RAB27B: variants seen among roughly 807,000 people sequenced by gnomAD.
RAB27B encodes ras-related protein Rab-27B.
A neutral mutation model predicts 24.6 loss-of-function variants in RAB27B; 15 were observed. The observed-to-expected ratio is 0.61, with a 90% CI of 0.41 to 0.94. The LOEUF is 0.94. Among genes scored for constraint, RAB27B ranks in the 40% least tolerant of loss-of-function variants. The pLI is 0.00. For synonymous variants in RAB27B, 105 were observed against 92.5 expected (o/e 1.14, Z -0.78); for missense variants, 261 against 266.8 (o/e 0.98, Z 0.15).
intron 1 of RAB27B, among the ~76,000 whole-genome samples, chr18:54,874,307 T>C (rs547672753): frequency 5.3e-5 from 8 of 152,320 alleles, no homozygotes; most frequent in African/African-American, 1.9e-4. Context: ...GACACTGTTT[T>C]GTTTGAATTG....
chr18:54,870,809 A>G (rs1912433117), intron 1 of RAB27B, among the ~76,000 whole-genome samples: 1 of 152,178 alleles, frequency 6.6e-6, no homozygotes, highest in Admixed American at 6.5e-5. Flanking sequence ...TATGTATTGA[A>G]TTATTTATGA....
At chr18:54,844,854 G>A (rs571033199) in intron 1 of RAB27B, among the ~76,000 whole-genome samples, 7 of 152,182 alleles carry the variant, frequency 4.6e-5, no homozygotes, top group African/African-American at 1.7e-4. Context: ...ACCAGTTTTC[G>A]CTGGTTGGGT....
At position 54,890,443 on chromosome 18, in the gene RAB27B, A is replaced by G. The variant is rs1279575732; in HGVS notation, c.*1030A>G. The G allele has an allele frequency of 1.3e-5, 2 of 152,180 alleles. No individual in the cohort carries two copies. The highest frequency in any genetic ancestry group is 2.9e-5 in the Non-Finnish European group (2 of 68,022). The allele number at this position is 152,180 out of a possible 1,614,324, so 9.4% of individuals were successfully genotyped here. A position where few individuals can be genotyped will look rare whatever the true frequency, so the allele number is the denominator to read the frequency against. The stretch of plus-strand genomic sequence containing the variant: ...TTTTTAGATAAAATAAGATGGTGAT[A>G]TGAAACAAAAAGTGGCAATTATTGC... On this transcript the variant is annotated 3_prime_UTR_variant, in exon 6 of 6. Coordinates refer to ENST00000262094, the MANE Select transcript of RAB27B (RefSeq NM_004163.4).
intron 1 of RAB27B, among the ~76,000 whole-genome samples, chr18:54,844,416 T>C (rs1323688259): frequency 4.8e-5 from 7 of 146,884 alleles, no homozygotes; most frequent in Non-Finnish European, 9.0e-5. Flanking sequence ...TTCTTTTTTT[T>C]TTTTTTTTTT....
At chr18:54,800,627 A>C (rs1162427886) in intron 2 of RAB27B, among the ~76,000 whole-genome samples, 1 of 152,192 alleles carries the variant, frequency 6.6e-6, no homozygotes, top group Non-Finnish European at 1.5e-5. Flanking sequence ...CTTTAATTGG[A>C]GTATTCCTTG....
At chr18:54,862,817 C>G (rs1912059366) in intron 1 of RAB27B, among the ~76,000 whole-genome samples, 1 of 152,224 alleles carries the variant, frequency 6.6e-6, no homozygotes, top group African/African-American at 2.4e-5. Context: ...TTTTCAATTA[C>G]TCAGTCCTGA....
intron 2 of RAB27B, among the ~76,000 whole-genome samples, chr18:54,762,559 G>A (rs910480448): frequency 1.3e-5 from 2 of 152,136 alleles, no homozygotes; most frequent in Non-Finnish European, 2.9e-5. Flanking sequence ...GCAATCCAAA[G>A]CACAATCCTG....
At chr18:54,733,983 A>T (rs1338091401) in intron 2 of RAB27B, among the ~76,000 whole-genome samples, 2 of 152,204 alleles carry the variant, frequency 1.3e-5, no homozygotes, top group Non-Finnish European at 2.9e-5. Context: ...ACACTTAGGT[A>T]TCATTTAGAA....
intron 2 of RAB27B, among the ~76,000 whole-genome samples, chr18:54,732,882 C>T (rs1298972352): frequency 6.6e-6 from 1 of 152,132 alleles, no homozygotes; most frequent in Non-Finnish European, 1.5e-5. Flanking sequence ...TTGATACAAA[C>T]TAAATCCCTT....
chr18:54,830,277 T>C (rs1910623774), intron 1 of RAB27B, among the ~76,000 whole-genome samples: 1 of 152,234 alleles, frequency 6.6e-6, no homozygotes, highest in Non-Finnish European at 1.5e-5. Flanking sequence ...TCACTGTTTT[T>C]CTGGAAAAAT....
intron 2 of RAB27B, among the ~76,000 whole-genome samples, chr18:54,776,446 C>G (rs552752882): frequency 1.6e-4 from 25 of 152,224 alleles, no homozygotes; most frequent in African/African-American, 5.8e-4. Flanking sequence ...CCTGAAACCT[C>G]CATCTCTTGT....
At chr18:54,849,448 T>C (rs531074727) in intron 1 of RAB27B, among the ~76,000 whole-genome samples, 2 of 152,240 alleles carry the variant, frequency 1.3e-5, no homozygotes, top group Admixed American at 6.5e-5. Context: ...CCAGGAGCGG[T>C]GGCTCATGCC....
chr18:54,850,243 A>ATATATG (rs1911506948), intron 1 of RAB27B, among the ~76,000 whole-genome samples: 1 of 150,278 alleles, frequency 6.7e-6, no homozygotes, highest in Non-Finnish European at 1.5e-5. Context: ...TTATATTTGC[A>ATATATG]TATATGTAAT....
At chr18:54,827,605 T>G (rs1284788827), upstream of RAB27B, among the ~76,000 whole-genome samples, 1 of 152,214 alleles carries the variant, frequency 6.6e-6, no homozygotes, top group African/African-American at 2.4e-5. Flanking sequence ...CTCTAGGGCA[T>G]CGAATAAGAA....
intron 1 of RAB27B, among the ~76,000 whole-genome samples, chr18:54,841,311 G>C (rs1415841115): frequency 6.6e-6 from 1 of 152,048 alleles, no homozygotes; most frequent in Non-Finnish European, 1.5e-5. Context: ...CAGACTTTTT[G>C]CTTCTCATTA....
In RAB27B at chr18:54,753,459, G is replaced by A. The variant is rs1907900314; in HGVS notation, c.-20+35318G>A. On this transcript the variant is annotated intron_variant, in intron 2 of 4. Transcript: ENST00000586570. ...TCATCTGTACATAAGTTTGCTGTGA[G>A]GGTAAAATCAGATAATACATCTAAT... is the stretch of plus-strand genomic sequence containing the variant. Among the ~76,000 whole-genome samples, 4 of 152,146 alleles carry A rather than the reference G, an allele frequency of 2.6e-5. No homozygotes were observed. The South Asian group carries it at 8.3e-4, about 32-fold the overall frequency.
chr18:54,878,688 A>G (rs1003544623), intron 2 of RAB27B, among the ~76,000 whole-genome samples: 1 of 152,128 alleles, frequency 6.6e-6, no homozygotes, highest in African/African-American at 2.4e-5. Context: ...TCACTAAACT[A>G]TACTTAAGGA....
chr18:54,804,688 A>T (rs974330300), intron 2 of RAB27B, among the ~76,000 whole-genome samples: 6 of 152,204 alleles, frequency 3.9e-5, no homozygotes, highest in Non-Finnish European at 5.9e-5. Flanking sequence ...AGTGTAATAC[A>T]TGATCCAGAA....
In RAB27B at chr18:54,861,013, T is replaced by G. The variant is rs143642620; in HGVS notation, c.-19-16554T>G. On this transcript the variant is annotated intron_variant, in intron 1 of 5. Coordinates refer to ENST00000262094, the MANE Select transcript of RAB27B (RefSeq NM_004163.4). Reference sequence around the variant, plus strand: ...CTAGAATTATATTTAAGTGAGAAATTTTTAATAAAATGACACATCTTATTT... The same window carrying G: ...CTAGAATTATATTTAAGTGAGAAATGTTTAATAAAATGACACATCTTATTT... 4.0e-3 allele frequency among the ~76,000 whole-genome samples: 605 copies of G among 152,314 alleles called. 3 individuals are homozygous for G. The highest frequency in any genetic ancestry group is 0.014 in the African/African-American group (577 of 41,568).
Sources: gnomAD v4.1 joint callset for allele counts (sites outside exome capture counted in the v4.1 genomes callset) on GRCh38, gnomAD v4.1.1 for gene constraint, MANE v1.5 for transcripts, NCBI Gene and HGNC (gene_info 2026-07-23, HGNC 2026-07-21) for gene names.